Variants in SLC16A10 observed in about 807,000 individuals in gnomAD.
SLC16A10 encodes the protein monocarboxylate transporter 10.
Under a neutral mutation model 40.0 loss-of-function variants are expected in SLC16A10, and 27 were observed. The ratio of observed to expected loss-of-function variants is 0.67; its 90% CI spans 0.50 to 0.93. The LOEUF is 0.93. SLC16A10 is among the 40% of genes least tolerant of loss of function. The pLI is 0.00. For synonymous variants in SLC16A10, 213 were observed against 249.8 expected (o/e 0.85, Z 1.39); for missense variants, 529 against 658.2 (o/e 0.80, Z 2.15).
intron 1 of SLC16A10, among the ~76,000 whole-genome samples, chr6:111,163,963 G>C (rs879355470): frequency 6.6e-6 from 1 of 152,170 alleles, no homozygotes; most frequent in Non-Finnish European, 1.5e-5. Flanking sequence ...ACCATGAGGT[G>C]AGATTCTTAT....
chr6:111,092,315 GTTTT>G (rs1173275647), intron 1 of SLC16A10, among the ~76,000 whole-genome samples: 2 of 98,594 alleles, frequency 2.0e-5, no homozygotes, highest in African/African-American at 8.2e-5. Context: ...TTTTTTTGTT[GTTTT>G]TTTTTTTTTT....
chr6:111,191,833 C>A (rs1772998749), intron 3 of SLC16A10, among the ~76,000 whole-genome samples: 1 of 151,868 alleles, frequency 6.6e-6, no homozygotes, highest in South Asian at 2.1e-4. Flanking sequence ...GAAAAGTGTT[C>A]ATATCCTTCA....
rs763164908 is a variant in SLC16A10 at position 111,218,990 on chromosome 6, A to T, written c.1263A>T (p.Gly421=). ...VGAQDVSQAI[G]FLLGFMSIPM... is the part of the protein sequence containing the mutation. ...CCCAGGATGTCTCCCAAGCAATTGGATTTCTGCTCGGATTCATGTCTATAC... is the reference window on the plus strand; with the variant it reads ...CCCAGGATGTCTCCCAAGCAATTGGTTTTCTGCTCGGATTCATGTCTATAC... The change falls in exon 5 of 6, where the codon GGA becomes GGT. Residue 421 remains glycine, a synonymous_variant. Coordinates refer to ENST00000368851, the MANE Select transcript of SLC16A10 (RefSeq NM_018593.5). 2.5e-6 allele frequency: 4 copies of T among 1,613,928 alleles called. No individual in the cohort carries two copies. In the East Asian group the frequency reaches 8.9e-5, roughly 36 times the overall value.
Position 111,159,845 on chromosome 6 carries a change from GT to G in SLC16A10, c.344-12849del, listed in dbSNP as rs199752124. On this transcript the variant is annotated intron_variant, in intron 1 of 5. Coordinates refer to ENST00000368851, the MANE Select transcript of SLC16A10 (RefSeq NM_018593.5). The stretch of plus-strand genomic sequence containing the variant: ...GTCATTTTTAGATATCCTGTGATGT[GT>G]GTGGTTTTTCATTGTTTTAATTGAC... 1.1e-4 allele frequency among the ~76,000 whole-genome samples: 16 copies of G among 152,248 alleles called. No homozygotes were observed. In the East Asian group the frequency reaches 2.1e-3, roughly 20 times the overall value.
chr6:111,217,577 G>A (rs1387003581), intron 4 of SLC16A10, among the ~76,000 whole-genome samples: 1 of 149,870 alleles, frequency 6.7e-6, no homozygotes, highest in East Asian at 1.9e-4. Flanking sequence ...AGCCTCCCGA[G>A]TAGCTGGGAT....
intron 3 of SLC16A10, among the ~76,000 whole-genome samples, chr6:111,180,582 C>T (rs1047091966): frequency 2.0e-5 from 3 of 152,002 alleles, no homozygotes; most frequent in African/African-American, 7.3e-5. Context: ...AAAGGAAGAA[C>T]AGATTGAACA....
intron 2 of SLC16A10, chr6:111,173,673 G>T (rs1193884072): frequency 1.3e-5 from 2 of 152,248 alleles, no homozygotes; most frequent in Non-Finnish European, 2.9e-5. Context: ...GAGGGATCTA[G>T]GTTGCACTCC....
intron 1 of SLC16A10, among the ~76,000 whole-genome samples, chr6:111,116,120 C>G (rs747046875): frequency 1.4e-4 from 21 of 152,078 alleles, no homozygotes; most frequent in Non-Finnish European, 3.1e-4. Context: ...ATCTCACTCC[C>G]TAGCATCTCG....
chr6:111,124,349 T>A (rs1771634624), intron 1 of SLC16A10, among the ~76,000 whole-genome samples: 1 of 150,696 alleles, frequency 6.6e-6, no homozygotes. Context: ...TCTTCCCCAA[T>A]AGAGTGATTT....
chr6:111,179,776 T>G (rs1006553659), intron 3 of SLC16A10, among the ~76,000 whole-genome samples: 1 of 152,236 alleles, frequency 6.6e-6, no homozygotes, highest in Non-Finnish European at 1.5e-5. Context: ...TTGACATTGT[T>G]CATTTGAGAT....
chr6:111,193,120 G>T (rs1290492038), intron 3 of SLC16A10, among the ~76,000 whole-genome samples: 2 of 152,066 alleles, frequency 1.3e-5, no homozygotes, highest in Non-Finnish European at 2.9e-5. Context: ...CCAAAGTGCT[G>T]GGATTACAGA....
chr6:111,147,878 G>A (rs1772107038), intron 1 of SLC16A10, among the ~76,000 whole-genome samples: 1 of 152,308 alleles, frequency 6.6e-6, no homozygotes, highest in Non-Finnish European at 1.5e-5. Flanking sequence ...GAGCATCCAT[G>A]TGTTCTTTGA....
intron 1 of SLC16A10, among the ~76,000 whole-genome samples, chr6:111,110,963 A>G (rs1445883119): frequency 1.3e-5 from 2 of 152,156 alleles, no homozygotes; most frequent in Non-Finnish European, 2.9e-5. Context: ...GACAAAACAT[A>G]TATAGCATAA....
chr6:111,128,974 AT>A (rs140312767), intron 1 of SLC16A10, among the ~76,000 whole-genome samples: 18,072 of 127,418 alleles, frequency 0.14, 1,158 homozygotes, highest in Non-Finnish European at 0.19. Context: ...CAATTGTTTT[AT>A]TTTTTCATAT....
intron 1 of SLC16A10, among the ~76,000 whole-genome samples, chr6:111,119,681 A>G (rs1441318989): frequency 1.3e-5 from 2 of 152,180 alleles, no homozygotes; most frequent in African/African-American, 4.8e-5. Flanking sequence ...TGGTGTGGCA[A>G]TATTTGGAGA....
chr6:111,169,934 T>TTTTTG (rs1772553048), intron 1 of SLC16A10, among the ~76,000 whole-genome samples: 1 of 150,292 alleles, frequency 6.7e-6, no homozygotes. Flanking sequence ...TTTTTTTTTT[T>TTTTTG]GAGACAGAAT....
chr6:111,096,537 A>G lies in SLC16A10; in HGVS notation c.343+8442A>G, dbSNP rs540495112. Among the ~76,000 whole-genome samples the G allele has an allele frequency of 2.6e-5, 4 of 152,344 alleles. No homozygotes were observed. The East Asian group carries it at 7.7e-4, about 29-fold the overall frequency. ...ATCAGTGGCTGGAGGAATGGAGGAA[A>G]GCAGTGCTTTCAAATGTACATGCCA... On this transcript the variant is annotated intron_variant, in intron 1 of 5. Transcript: ENST00000368851.
intron 1 of SLC16A10, among the ~76,000 whole-genome samples, chr6:111,114,209 C>T (rs1418508140): frequency 9.2e-5 from 14 of 152,148 alleles, no homozygotes; most frequent in Admixed American, 9.2e-4. Flanking sequence ...ACTTAAATGT[C>T]TTCTAATGCT....
intron 2 of SLC16A10, among the ~76,000 whole-genome samples, chr6:111,175,401 CAG>C (rs1772661066): frequency 6.6e-6 from 1 of 152,154 alleles, no homozygotes; most frequent in Non-Finnish European, 1.5e-5. Flanking sequence ...CATTACAGTA[CAG>C]TGATACCACT....
Sources: allele counts gnomAD v4.1 joint callset (sites outside exome capture counted in the v4.1 genomes callset), GRCh38; gene constraint gnomAD v4.1.1; transcripts MANE v1.5; gene names NCBI Gene and HGNC (gene_info 2026-07-23, HGNC 2026-07-21).